Variants in FHIP1A observed in about 807,000 individuals in gnomAD.
The protein encoded by FHIP1A is FHF complex subunit HOOK interacting protein 1A, also known as FHF complex subunit HOOK-interacting protein 1A.
FHIP1A carries 61 observed loss-of-function variants against 88.6 expected under a neutral mutation model. The observed-to-expected ratio is 0.69, with a 90% CI of 0.56 to 0.85. The LOEUF is 0.85. FHIP1A is among the 40% of genes least tolerant of loss of function. FHIP1A has a pLI of 0.00. For synonymous variants in FHIP1A, 478 were observed against 496.0 expected (o/e 0.96, Z 0.48); for missense variants, 1,154 against 1,273.5 (o/e 0.91, Z 1.43).
In FHIP1A at chr4:151,629,705, A is replaced by G. The variant is rs1471334354; in HGVS notation, c.982A>G (p.Thr328Ala). ...PVLAPALHKV[T>A]VEEVMTTTAY... is the part of the protein sequence containing the mutation. ...CTCACTCCGTTGTTTGTCCTAGGTG[A>G]CTGTGGAAGAGGTCATGACCACAAC... Residue 328 changes from threonine to alanine, a missense_variant, in exon 8 of 14, where the codon ACT becomes GCT. Transcript: ENST00000435205. The G allele has an allele frequency of 1.3e-6, 2 of 1,550,842 alleles. No homozygotes were observed. Among genetic ancestry groups the G allele is most frequent in the Non-Finnish European group, 1.7e-6 (2 of 1,146,470 alleles).
intron 7 of FHIP1A, among the ~76,000 whole-genome samples, chr4:151,602,759 ATGCCGCTT>A (rs1734922701): frequency 6.6e-6 from 1 of 152,188 alleles, no homozygotes; most frequent in Admixed American, 6.5e-5. Flanking sequence ...TGACAAAATA[ATGCCGCTT>A]AGTGTGGACT....
rs539153271 is a variant in FHIP1A, at chr4:151,587,975, G to A, written c.892-865G>A. Reference sequence around the variant, plus strand: ...AGATTATCAGTAATTTGAAGATCTAGCTTCACTTTCCTAGAAATTGCTTTT... The same window carrying A: ...AGATTATCAGTAATTTGAAGATCTAACTTCACTTTCCTAGAAATTGCTTTT... On this transcript the variant is annotated intron_variant, in intron 6 of 13. Transcript: ENST00000435205. 5.3e-5 allele frequency among the ~76,000 whole-genome samples: 8 copies of A among 152,050 alleles called. No individual in the cohort carries two copies. The South Asian group carries it at 1.7e-3, about 32-fold the overall frequency.
chr4:151,656,176 G>T lies in FHIP1A; in HGVS notation c.2552-56G>T. On this transcript the variant is annotated intron_variant, in intron 11 of 13. Transcript: ENST00000435205. The surrounding 1 kb of genome is among the most constrained non-coding windows in gnomAD (Gnocchi z 4.2). ...GGCACCGATGGTTCTGCAATTGTCA[G>T]GGAAAGGCATCCCTGTGAGCCCAGC... 7.0e-7 allele frequency: 1 copy of T among 1,421,120 alleles called. No homozygotes were observed. Among genetic ancestry groups the T allele is most frequent in the South Asian group, 1.3e-5 (1 of 78,148 alleles). 88.0% of individuals were successfully genotyped at this position (1,421,120 alleles called of 1,614,324 possible).
chr4:151,626,630 A>G (rs1331509774), intron 7 of FHIP1A, among the ~76,000 whole-genome samples: 1 of 152,222 alleles, frequency 6.6e-6, no homozygotes, highest in African/African-American at 2.4e-5. Flanking sequence ...ATTATTGCGT[A>G]TGATATGGCA....
chr4:151,525,747 T>G (rs1255813999), intron 3 of FHIP1A, among the ~76,000 whole-genome samples: 2 of 139,574 alleles, frequency 1.4e-5, no homozygotes, highest in Non-Finnish European at 3.1e-5. Flanking sequence ...TTTGTACTTC[T>G]TTTTTTTTTT....
At chr4:151,559,846 G>C (rs1733102702) in intron 3 of FHIP1A, among the ~76,000 whole-genome samples, 1 of 152,112 alleles carries the variant, frequency 6.6e-6, no homozygotes, top group South Asian at 2.1e-4. Flanking sequence ...TTCATGAGAT[G>C]AGTTCTTTTT....
At chr4:151,599,607 C>A (rs1456235271) in intron 7 of FHIP1A, among the ~76,000 whole-genome samples, 3 of 152,198 alleles carry the variant, frequency 2.0e-5, no homozygotes, top group African/African-American at 7.2e-5. Flanking sequence ...AGGAACAGGC[C>A]TGCCTTAGTA....
intron 2 of FHIP1A, among the ~76,000 whole-genome samples, chr4:151,455,717 T>C (rs1303152272): frequency 6.6e-6 from 1 of 152,206 alleles, no homozygotes; most frequent in African/African-American, 2.4e-5. Context: ...GTCTTTGTTA[T>C]TACACAGAAT....
chr4:151,650,391 A>T lies in FHIP1A; in HGVS notation c.2350A>T (p.Lys784Ter). 1 of 1,551,690 alleles carries T rather than the reference A, an allele frequency of 6.4e-7. No homozygotes were observed. The highest frequency in any genetic ancestry group is 8.7e-7 in the Non-Finnish European group (1 of 1,146,980). Residue 784 changes from lysine (K) to a stop codon, truncating the protein, a stop_gained, in exon 11 of 14, where the codon AAG becomes TAG. Transcript: ENST00000435205. LOFTEE classifies it high-confidence loss of function. ...YPTPDPLLLTKEEEGKEESKG... is the reference protein window; with the variant it reads ...YPTPDPLLLT Reference sequence around the variant, plus strand: ...CACACCTGATCCCTTGCTTCTCACTAAGGAGGAAGAAGGGAAGGAAGAGAG... The same window carrying T: ...CACACCTGATCCCTTGCTTCTCACTTAGGAGGAAGAAGGGAAGGAAGAGAG...
chr4:151,410,605 C>A (rs1732589607), intron 1 of FHIP1A, among the ~76,000 whole-genome samples: 2 of 152,200 alleles, frequency 1.3e-5, no homozygotes, highest in African/African-American at 4.8e-5. Context: ...GGTCACCTGC[C>A]TGACCTCAAG....
intron 3 of FHIP1A, among the ~76,000 whole-genome samples, chr4:151,550,761 A>T (rs1732698493): frequency 6.6e-6 from 1 of 152,178 alleles, no homozygotes; most frequent in Non-Finnish European, 1.5e-5. Context: ...ACATCCTGGG[A>T]TGCAGACTCT....
intron 3 of FHIP1A, among the ~76,000 whole-genome samples, chr4:151,555,828 A>G (rs1560766301): frequency 6.6e-6 from 1 of 152,216 alleles, no homozygotes; most frequent in Non-Finnish European, 1.5e-5. Context: ...TGATCAAATC[A>G]ACGAGTAATT....
At chr4:151,605,182 AC>A (rs1241881976) in intron 7 of FHIP1A, among the ~76,000 whole-genome samples, 1 of 152,136 alleles carries the variant, frequency 6.6e-6, no homozygotes, top group Non-Finnish European at 1.5e-5. Context: ...TATAAGTAGC[AC>A]CTCAGGCTCA....
At chr4:151,500,311 C>A (rs1249232331) in intron 3 of FHIP1A, among the ~76,000 whole-genome samples, 1 of 151,652 alleles carries the variant, frequency 6.6e-6, no homozygotes, top group Admixed American at 6.6e-5. Flanking sequence ...CCTGGCAACT[C>A]AATAAAAGAA....
At chr4:151,599,718 G>A (rs903294711) in intron 7 of FHIP1A, among the ~76,000 whole-genome samples, 3 of 152,168 alleles carry the variant, frequency 2.0e-5, no homozygotes, top group African/African-American at 7.2e-5. Flanking sequence ...TTAGCAGCAG[G>A]GGCCCCAGCT....
chr4:151,581,021 G>A (rs570177379), intron 5 of FHIP1A, among the ~76,000 whole-genome samples: 239 of 152,136 alleles, frequency 1.6e-3, no homozygotes, highest in Non-Finnish European at 2.9e-3. Flanking sequence ...CCACGCCCAG[G>A]TAATTTTTTG....
chr4:151,431,457 A>T (rs1733588949), intron 1 of FHIP1A, among the ~76,000 whole-genome samples: 1 of 152,060 alleles, frequency 6.6e-6, no homozygotes, highest in South Asian at 2.1e-4. Flanking sequence ...TTTGTAATGT[A>T]TTTAATAGGT....
intron 9 of FHIP1A, among the ~76,000 whole-genome samples, chr4:151,644,475 C>G (rs895325946): frequency 6.6e-5 from 10 of 152,088 alleles, no homozygotes; most frequent in Middle Eastern, 3.2e-3. Context: ...CCTCAGCCTC[C>G]CGACTAGCTG....
intron 1 of FHIP1A, among the ~76,000 whole-genome samples, chr4:151,446,834 A>G (rs1728627289): frequency 6.6e-6 from 1 of 151,996 alleles, no homozygotes; most frequent in Non-Finnish European, 1.5e-5. Context: ...GGCTCTGCTG[A>G]TAGATAGCTG....
Sources: gnomAD v4.1 joint callset for allele counts (sites outside exome capture counted in the v4.1 genomes callset) on GRCh38, gnomAD v4.1.1 for gene constraint, Gnocchi (gnomAD v3.1) non-coding constraint, MANE v1.5 for transcripts, NCBI Gene and HGNC (gene_info 2026-07-23, HGNC 2026-07-21) for gene names.